ZCCHC7: variants seen among roughly 807,000 people sequenced by gnomAD.
The protein encoded by ZCCHC7 is zinc finger CCHC-type containing 7.
In ZCCHC7, 35 loss-of-function variants were observed where a neutral mutation model predicts 52.0. That is an observed-to-expected ratio of 0.67 (90% confidence interval 0.51 to 0.89). ZCCHC7 has a LOEUF of 0.89. ZCCHC7 is among the 40% of genes least tolerant of loss of function. ZCCHC7 has a pLI of 0.00. For missense variants in ZCCHC7, 574 were observed against 649.1 expected (o/e 0.88, Z 1.26); for synonymous variants, 217 against 221.5 (o/e 0.98, Z 0.18).
intron 6 of ZCCHC7, among the ~76,000 whole-genome samples, chr9:37,338,349 T>TTATATCTATTTACA (rs1401956024): frequency 1.3e-5 from 2 of 152,184 alleles, no homozygotes; most frequent in African/African-American, 4.8e-5. Context: ...TACCAATAAT[T>TTATATCTATTTACA]TATATCTATT....
intron 1 of ZCCHC7, among the ~76,000 whole-genome samples, chr9:37,124,352 A>C (rs1284597336): frequency 6.6e-6 from 1 of 151,004 alleles, no homozygotes; most frequent in Non-Finnish European, 1.5e-5. Context: ...CAACAGAGAA[A>C]TTCATCTCAT....
chr9:37,336,404 C>T (rs1830662561), intron 6 of ZCCHC7, among the ~76,000 whole-genome samples: 1 of 152,138 alleles, frequency 6.6e-6, no homozygotes, highest in East Asian at 1.9e-4. Flanking sequence ...CATTACTTCC[C>T]CCTTCTAACA....
rs1821307844 is a variant in ZCCHC7, at chr9:37,164,501, A to ACAGG, written c.610+37562_610+37563insGCAG. ...GATAGATAGATAGATAGATAGATAG[A>ACAGG]CAGACAAGATAGATAGACTCTGTCT... On this transcript the variant is annotated intron_variant, in intron 2 of 8. Coordinates refer to ENST00000336755, the MANE Select transcript of ZCCHC7 (RefSeq NM_032226.3). Among the ~76,000 whole-genome samples the ACAGG allele has an allele frequency of 2.7e-5, 4 of 149,250 alleles. No homozygotes were observed. In the South Asian group the frequency reaches 8.7e-4, roughly 33 times the overall value.
chr9:37,272,994 G>A (rs1039569157), intron 2 of ZCCHC7, among the ~76,000 whole-genome samples: 2 of 152,132 alleles, frequency 1.3e-5, no homozygotes, highest in Non-Finnish European at 1.5e-5. Context: ...ATATCTCTTG[G>A]TGCATGTATA....
intron 2 of ZCCHC7, among the ~76,000 whole-genome samples, chr9:37,274,897 T>C (rs1051268536): frequency 2.0e-5 from 3 of 152,196 alleles, no homozygotes; most frequent in Non-Finnish European, 4.4e-5. Context: ...GCACCATTTA[T>C]TGAATAAATT....
intron 5 of ZCCHC7, chr9:37,327,516 A>G (rs1300785916): frequency 1.4e-5 from 5 of 362,144 alleles, no homozygotes; most frequent in Non-Finnish European, 2.0e-5. Flanking sequence ...TAACTGAGTT[A>G]TGGCTCTTTA....
At chr9:37,184,424 T>C (rs1463653739) in intron 2 of ZCCHC7, among the ~76,000 whole-genome samples, 1 of 151,582 alleles carries the variant, frequency 6.6e-6, no homozygotes, top group Non-Finnish European at 1.5e-5. Flanking sequence ...TTTAAAAAGT[T>C]ATGCCAGAGC....
At chr9:37,153,159 T>TATTGATTG (rs141538496) in intron 2 of ZCCHC7, among the ~76,000 whole-genome samples, 140 of 151,728 alleles carry the variant, frequency 9.2e-4, no homozygotes, top group African/African-American at 3.2e-3. Flanking sequence ...TTACTATTAT[T>TATTGATTG]ATTGATTGAT....
At chr9:37,272,663 C>T (rs1827483358) in intron 2 of ZCCHC7, among the ~76,000 whole-genome samples, 1 of 151,996 alleles carries the variant, frequency 6.6e-6, no homozygotes. Flanking sequence ...TTTCTCTTCT[C>T]TTAACGGTAT....
intron 2 of ZCCHC7, among the ~76,000 whole-genome samples, chr9:37,257,790 T>A (rs1826662283): frequency 6.6e-6 from 1 of 152,150 alleles, no homozygotes; most frequent in Non-Finnish European, 1.5e-5. Context: ...CTGCTCGCCC[T>A]TTGCCTTCTG....
intron 5 of ZCCHC7, among the ~76,000 whole-genome samples, chr9:37,316,461 A>C (rs771397455): frequency 6.7e-6 from 1 of 148,480 alleles, no homozygotes; most frequent in East Asian, 2.0e-4. Flanking sequence ...AGTACCTGGG[A>C]CTACAGGCAC....
intron 2 of ZCCHC7, among the ~76,000 whole-genome samples, chr9:37,174,366 A>T (rs1322108386): frequency 6.6e-6 from 1 of 152,194 alleles, no homozygotes; most frequent in Non-Finnish European, 1.5e-5. Flanking sequence ...TGTATTTTAC[A>T]TTCCTATCAA....
At position 37,156,743 on chromosome 9, in the gene ZCCHC7, T is replaced by TA. The variant is rs1820833968; in HGVS notation, c.610+29802dup. Among the ~76,000 whole-genome samples the TA allele has an allele frequency of 9.2e-5, 14 of 152,364 alleles. No homozygotes were observed. The South Asian group carries it at 2.9e-3, about 32-fold the overall frequency. The stretch of plus-strand genomic sequence containing the variant: ...TGGTTAATGGGAATGTTCAGATAGA[T>TA]ACGACTTTGTCATCTATTGTCTCTG... On this transcript the variant is annotated intron_variant, in intron 2 of 8. Coordinates refer to ENST00000336755, the MANE Select transcript of ZCCHC7 (RefSeq NM_032226.3).
chr9:37,269,086 T>C (rs1246331657), intron 2 of ZCCHC7, among the ~76,000 whole-genome samples: 8 of 152,164 alleles, frequency 5.3e-5, no homozygotes, highest in South Asian at 4.1e-4. Context: ...CCCTATCTAC[T>C]AGAAGGGATG....
intron 2 of ZCCHC7, among the ~76,000 whole-genome samples, chr9:37,259,929 A>C (rs1454358606): frequency 6.6e-6 from 1 of 152,190 alleles, no homozygotes; most frequent in Non-Finnish European, 1.5e-5. Context: ...TCATACAAAA[A>C]TATTGTTCTT....
intron 2 of ZCCHC7, among the ~76,000 whole-genome samples, chr9:37,272,899 T>C (rs1042517665): frequency 2.0e-5 from 3 of 152,198 alleles, no homozygotes; most frequent in Admixed American, 6.5e-5. Flanking sequence ...GCACCACCAA[T>C]GTATTCGTTC....
intron 2 of ZCCHC7, among the ~76,000 whole-genome samples, chr9:37,195,329 A>G (rs1823234841): frequency 1.3e-5 from 2 of 152,210 alleles, no homozygotes; most frequent in African/African-American, 4.8e-5. Context: ...TATTGTTGAT[A>G]AGTTTAATTC....
chr9:37,350,494 A>G lies in ZCCHC7; in HGVS notation c.1083+1042A>G, dbSNP rs529485957. ...TGGTACAATGTTCAGTTAAGTCTAC[A>G]TCACATACATGTAAACCCTGGCATT... On this transcript the variant is annotated intron_variant, in intron 7 of 8. Transcript: ENST00000336755. Among the ~76,000 whole-genome samples, 5 of 152,338 alleles carry G rather than the reference A, an allele frequency of 3.3e-5. No homozygotes were observed. In the East Asian group the frequency reaches 5.8e-4, roughly 18 times the overall value.
chr9:37,304,551 G>A (rs1829210432), intron 4 of ZCCHC7, among the ~76,000 whole-genome samples: 1 of 152,054 alleles, frequency 6.6e-6, no homozygotes, highest in Non-Finnish European at 1.5e-5. Context: ...CAGCTACTTG[G>A]GAGGCTGAGG....
Sources: gnomAD v4.1 joint callset for allele counts (sites outside exome capture counted in the v4.1 genomes callset) on GRCh38, gnomAD v4.1.1 for gene constraint, MANE v1.5 for transcripts, NCBI Gene and HGNC (gene_info 2026-07-23, HGNC 2026-07-21) for gene names.